COL4A6: variants seen among roughly 807,000 people sequenced by gnomAD.
COL4A6 encodes the protein collagen alpha-6(IV) chain.
Under a neutral mutation model 126.7 loss-of-function variants are expected in COL4A6, and 59 were observed. That is an observed-to-expected ratio of 0.47 (90% CI 0.38 to 0.58). The LOEUF (loss-of-function observed/expected upper bound fraction) is 0.58, where lower values mean the gene tolerates loss of function less well. COL4A6 is among the 20% of genes least tolerant of loss of function. COL4A6 has a pLI of 0.00. For synonymous variants in COL4A6, 547 were observed against 496.6 expected (o/e 1.10, Z -1.35); for missense variants, 1,285 against 1,337.3 (o/e 0.96, Z 0.61).
At chrX:108,290,951 T>A (rs1339860674) in intron 3 of COL4A6, among the ~76,000 whole-genome samples, 1 of 112,507 alleles carries the variant, frequency 8.9e-6, no homozygotes, top group Non-Finnish European at 1.9e-5. Context: ...CCAAATCAGA[T>A]ACGTCTTGAG....
At chrX:108,190,611 C>T (rs1359664549) in intron 19 of COL4A6, 115 bp from the exon 20 acceptor site, 3 of 434,318 alleles carry the variant, frequency 6.9e-6, no homozygotes, top group Admixed American at 7.8e-5. Flanking sequence ...AACAACAGAG[C>T]AGAGACAAAA....
At chrX:108,415,540 G>C (rs773622778) in intron 2 of COL4A6, among the ~76,000 whole-genome samples, 1 of 111,435 alleles carries the variant, frequency 9.0e-6, no homozygotes, top group Non-Finnish European at 1.9e-5. Flanking sequence ...CTACAAAATG[G>C]GTATATAATC....
chrX:108,390,442 T>C (rs2040810578), intron 2 of COL4A6, among the ~76,000 whole-genome samples: 1 of 109,683 alleles, frequency 9.1e-6, no homozygotes, highest in Non-Finnish European at 1.9e-5. Flanking sequence ...TCATCCTTTT[T>C]TCTCTAATCT....
intron 2 of COL4A6, among the ~76,000 whole-genome samples, chrX:108,399,297 T>TA (rs1039704815): frequency 2.7e-5 from 3 of 111,750 alleles, no homozygotes; most frequent in Non-Finnish European, 5.7e-5. Flanking sequence ...AAGTTCAATG[T>TA]ACTATGTTAG....
chrX:108,226,171 G>A (rs1325782216), intron 3 of COL4A6, among the ~76,000 whole-genome samples: 8 of 112,709 alleles, frequency 7.1e-5, no homozygotes, highest in Non-Finnish European at 1.3e-4. Context: ...TAGCTCTTAC[G>A]TTGGATTATT....
chrX:108,180,496 G>A lies in COL4A6; in HGVS notation c.2131+19C>T, dbSNP rs755217347. The A allele has an allele frequency of 3.8e-5, 43 of 1,133,088 alleles. No homozygotes were observed. The South Asian group carries it at 7.5e-4, about 20-fold the overall frequency. The allele number at this position is 1,133,088 out of a possible 1,213,427, so 93.4% of individuals were successfully genotyped here. ...ATACACACAAAGAGAAGCAGGTGAG[G>A]AGACACTCCTTTTCTTACCTGGTAA... On this transcript the variant is annotated intron_variant, in intron 25 of 44. Transcript: ENST00000334504.
chrX:108,214,890 T>G (rs1315202120), intron 5 of COL4A6, among the ~76,000 whole-genome samples: 1 of 112,626 alleles, frequency 8.9e-6, no homozygotes, highest in East Asian at 2.8e-4. Context: ...TTAGTAATCA[T>G]TCTCATACAA....
intron 27 of COL4A6, among the ~76,000 whole-genome samples, chrX:108,177,608 G>A (rs928951356): frequency 1.3e-4 from 15 of 112,219 alleles, no homozygotes; most frequent in Non-Finnish European, 2.3e-4. Context: ...ATTCTGAGAC[G>A]TCTTTCACCA....
chrX:108,282,592 T>C (rs769457874), intron 3 of COL4A6, among the ~76,000 whole-genome samples: 53 of 110,756 alleles, frequency 4.8e-4, no homozygotes, highest in African/African-American at 1.7e-3. Flanking sequence ...AGTGTGGTGA[T>C]TCCTCAGGGA....
intron 2 of COL4A6, among the ~76,000 whole-genome samples, chrX:108,386,472 G>T (rs192592429): frequency 8.9e-6 from 1 of 112,452 alleles, no homozygotes; most frequent in African/African-American, 3.2e-5. Context: ...AATGACCAGT[G>T]ATGATGAGCA....
chrX:108,284,928 T>C (rs1033409502), intron 3 of COL4A6, among the ~76,000 whole-genome samples: 1 of 112,264 alleles, frequency 8.9e-6, no homozygotes, highest in Non-Finnish European at 1.9e-5. Flanking sequence ...TTCCTCTTTA[T>C]AGAAACACCT....
chrX:108,343,165 A>AGTGTGTGT (rs55685604), intron 2 of COL4A6, among the ~76,000 whole-genome samples: 93 of 31,386 alleles, frequency 3.0e-3, no homozygotes, highest in African/African-American at 8.1e-3. Context: ...ATATATATAT[A>AGTGTGTGT]GTGTGTGTGT....
rs2038036877 is a variant in COL4A6, at chrX:108,287,438, A to G, written c.144+23310T>C. 2.7e-5 allele frequency among the ~76,000 whole-genome samples: 3 copies of G among 112,070 alleles called. No individual in the cohort carries two copies. In the South Asian group the frequency reaches 1.1e-3, roughly 42 times the overall value. The stretch of plus-strand genomic sequence containing the variant: ...TGACACAGTTAACTTACTTGGAAAC[A>G]GATTCTTTCAAGGCTTGTTTTAAAA... On this transcript the variant is annotated intron_variant, in intron 3 of 44. Coordinates refer to ENST00000334504, the MANE Select transcript of COL4A6 (RefSeq NM_033641.4).
At chrX:108,340,451 T>C (rs1165652055) in intron 2 of COL4A6, among the ~76,000 whole-genome samples, 1 of 111,815 alleles carries the variant, frequency 8.9e-6, no homozygotes. Flanking sequence ...TTTTCAACTT[T>C]ACTATATATT....
chrX:108,349,917 C>A (rs750675953), intron 2 of COL4A6, among the ~76,000 whole-genome samples: 2 of 111,708 alleles, frequency 1.8e-5, no homozygotes, highest in African/African-American at 6.5e-5. Flanking sequence ...CCTAGGTGAG[C>A]CACATGTTTT....
intron 3 of COL4A6, among the ~76,000 whole-genome samples, chrX:108,230,084 G>T (rs1166550876): frequency 9.0e-6 from 1 of 111,689 alleles, no homozygotes; most frequent in Non-Finnish European, 1.9e-5. Context: ...AAGAGTCTTG[G>T]GTGGAAGATG....
chrX:108,351,276 G>T (rs2039835392), intron 2 of COL4A6, among the ~76,000 whole-genome samples: 1 of 111,365 alleles, frequency 9.0e-6, no homozygotes, highest in Non-Finnish European at 1.9e-5. Context: ...TATTTTCTTG[G>T]GGTTGGGGGG....
chrX:108,335,348 T>G (rs1344793578), intron 2 of COL4A6, among the ~76,000 whole-genome samples: 2 of 112,068 alleles, frequency 1.8e-5, no homozygotes, highest in Non-Finnish European at 3.8e-5. Context: ...GGTTTACAGA[T>G]GAGGAAACTG....
chrX:108,283,687 C>T (rs1239260658), intron 3 of COL4A6, among the ~76,000 whole-genome samples: 4 of 110,909 alleles, frequency 3.6e-5, no homozygotes, highest in African/African-American at 1.3e-4. Flanking sequence ...TGAGATCTGA[C>T]ATCCTTGATT....
Sources: allele counts gnomAD v4.1 joint callset (sites outside exome capture counted in the v4.1 genomes callset), GRCh38; gene constraint gnomAD v4.1.1; transcripts MANE v1.5; gene names NCBI Gene and HGNC (gene_info 2026-07-23, HGNC 2026-07-21).